The following SNX33 variants were observed in gnomAD, a reference collection of about 807,000 sequenced individuals.
SNX33 encodes sorting nexin 33, also known as sorting nexin-33.
SNX33 carries 19 observed loss-of-function variants against 38.8 expected under a neutral mutation model. The observed-to-expected ratio is 0.49, with a 90% confidence interval of 0.34 to 0.72. The LOEUF is 0.72. SNX33 is among the 30% of genes least tolerant of loss of function. The pLI is 0.01. For synonymous variants in SNX33, 246 were observed against 289.7 expected, an observed-to-expected ratio of 0.85 and a Z score of 1.53; for missense variants, 641 against 776.4, an observed-to-expected ratio of 0.83 and a Z score of 2.07.
chr15:75,658,330 G>A lies in SNX33; in HGVS notation c.*1115G>A, dbSNP rs901811255. 6.6e-6 allele frequency: 1 copy of A among 152,604 alleles called. No homozygotes were observed. Among genetic ancestry groups the A allele is most frequent in the African/African-American group, 2.4e-5 (1 of 41,442 alleles). 9.5% of individuals were successfully genotyped at this position (152,604 alleles called of 1,614,324 possible). ...CTGTTGCACAATGGGAAACCTAAGA[G>A]GAAAAAGACAGGGGCCTGCTTGCCC... On this transcript the variant is annotated 3_prime_UTR_variant, in exon 2 of 2. Coordinates refer to ENST00000308527, the MANE Select transcript of SNX33 (RefSeq NM_153271.2). This position sits in a 1 kb window ranked among gnomAD's most constrained non-coding sequence, Gnocchi z 4.1.
Position 75,658,237 on chromosome 15 carries a change from C to T in SNX33, c.*1022C>T, listed in dbSNP as rs561738908. ...TTCACCAGCAATAACTCCCCACACT[C>T]GAAGCAGGTCCAAACCCAGGATCTC... On this transcript the variant is annotated 3_prime_UTR_variant, in exon 2 of 2. Coordinates refer to ENST00000308527, the MANE Select transcript of SNX33 (RefSeq NM_153271.2). The surrounding 1 kb of genome is among the most constrained non-coding windows in gnomAD (Gnocchi z 4.1). 2.6e-5 allele frequency: 4 copies of T among 152,740 alleles called. No homozygotes were observed. Among genetic ancestry groups the T allele is most frequent in the South Asian group, 4.1e-4 (2 of 4,830 alleles). The allele number at this position is 152,740 out of a possible 1,614,324, so 9.5% of individuals were successfully genotyped here.
At chr15:75,651,316 A>C (rs968640646) in intron 1 of SNX33, among the ~76,000 whole-genome samples, 3 of 152,236 alleles carry the variant, frequency 2.0e-5, no homozygotes, top group African/African-American at 7.2e-5. Flanking sequence ...TAGTGTCCAC[A>C]GAAGAGTGGT....
Position 75,657,268 on chromosome 15 carries a change from C to T in SNX33, c.*53C>T, listed in dbSNP as rs1181927072. The stretch of plus-strand genomic sequence containing the variant: ...CCTGGGCCTGGTCACTGCAGTGTAC[C>T]CCACTTTCCCGACCTCCCTATACCA... On this transcript the variant is annotated 3_prime_UTR_variant, in exon 2 of 2. Transcript: ENST00000308527. The surrounding 1 kb of genome is among the most constrained non-coding windows in gnomAD (Gnocchi z 5.5). 11 of 1,602,906 alleles carry T rather than the reference C, an allele frequency of 6.9e-6. No homozygotes were observed. The highest frequency in any genetic ancestry group is 3.3e-5 in the Admixed American group (2 of 59,712).
rs982347357 is a variant in SNX33, at chr15:75,648,307, CCTT to C, written c.-794_-792del. ...GCCCGACAGCCTCGTCGCGCCCCCT[CCTT>C]CCTCCGGGGTTGGGGCTGGCCACTT... On this transcript the variant is annotated 5_prime_UTR_variant, in exon 1 of 2. Transcript: ENST00000308527. This position sits in a 1 kb window ranked among gnomAD's most constrained non-coding sequence, Gnocchi z 4.4. 5.5e-5 allele frequency: 54 copies of C among 985,306 alleles called. No homozygotes were observed. Among genetic ancestry groups the C allele is most frequent in the Middle Eastern group, 1.0e-3 (2 of 1,936 alleles). 61.0% of individuals were successfully genotyped at this position (985,306 alleles called of 1,614,324 possible). A position where few individuals can be genotyped will look rare whatever the true frequency, so the allele number is the denominator to read the frequency against.
chr15:75,653,062 G>C (rs929220266), intron 1 of SNX33, among the ~76,000 whole-genome samples: 2 of 152,314 alleles, frequency 1.3e-5, no homozygotes, highest in South Asian at 4.1e-4. Flanking sequence ...ATGACTTTGG[G>C]AGAGATTTCT....
rs1246670848 is a variant in SNX33 at position 75,657,194 on chromosome 15, G to A, written c.1704G>A (p.Leu568=). The A allele has an allele frequency of 6.2e-7, 1 of 1,613,960 alleles. No individual in the cohort carries two copies. Among genetic ancestry groups the A allele is most frequent in the African/African-American group, 1.3e-5 (1 of 74,908 alleles). The change falls in exon 2 of 2, where the codon CTG becomes CTA. Residue 568 remains leucine (L), a synonymous_variant. Transcript: ENST00000308527. The surrounding 1 kb of genome is among the most constrained non-coding windows in gnomAD (Gnocchi z 5.5). ...TGGGCCAGCAGCTGGAGAAGACCCT[G>A]CGCATGTATGACAACCTCTGACCGC... The part of the protein sequence containing the change: ...QRVGQQLEKT[L]RMYDNL
At chr15:75,653,048 T>C (rs930644327) in intron 1 of SNX33, among the ~76,000 whole-genome samples, 1 of 152,150 alleles carries the variant, frequency 6.6e-6, no homozygotes, top group African/African-American at 2.4e-5. Flanking sequence ...ACTTTGCATC[T>C]GACATGACTT....
Position 75,651,837 on chromosome 15 carries a change from C to A in SNX33, c.1471+1264C>A, listed in dbSNP as rs534429337. Among the ~76,000 whole-genome samples, 93 of 152,298 alleles carry A rather than the reference C, an allele frequency of 6.1e-4. 1 individual carries two copies. Among genetic ancestry groups the A allele is most frequent in the South Asian group, 3.3e-3 (16 of 4,832 alleles). On this transcript the variant is annotated intron_variant, in intron 1 of 1. Coordinates refer to ENST00000308527, the MANE Select transcript of SNX33 (RefSeq NM_153271.2). Reference sequence around the variant, plus strand: ...ACTCTGGGTGGGGCCAGGGGGCAGACCTCTGCACTGAGCCTGGGGAACAGG... The same window carrying A: ...ACTCTGGGTGGGGCCAGGGGGCAGAACTCTGCACTGAGCCTGGGGAACAGG...
chr15:75,655,491 C>T (rs1480308561), intron 1 of SNX33, among the ~76,000 whole-genome samples: 1 of 152,092 alleles, frequency 6.6e-6, no homozygotes, highest in African/African-American at 2.4e-5. Context: ...TGTGAGCAGC[C>T]CTGGAGACTC....
At position 75,657,532 on chromosome 15, in the gene SNX33, A is replaced by T. The variant is rs1031075757; in HGVS notation, c.*317A>T. ...CCCCTAGAGCCTATTTTGCTTGCTC[A>T]CCTGGCCACTGCTGCCTTATCCATT... On this transcript the variant is annotated 3_prime_UTR_variant, in exon 2 of 2. Transcript: ENST00000308527. The surrounding 1 kb of genome is among the most constrained non-coding windows in gnomAD (Gnocchi z 5.5). 4.6e-6 allele frequency: 2 copies of T among 436,336 alleles called. No individual in the cohort carries two copies. The highest frequency in any genetic ancestry group is 8.5e-6 in the Non-Finnish European group (2 of 235,122). 27.0% of individuals were successfully genotyped at this position (436,336 alleles called of 1,614,324 possible).
At position 75,657,189 on chromosome 15, in the gene SNX33, A is replaced by C. The variant is rs1477299966; in HGVS notation, c.1699A>C (p.Thr567Pro). The change falls in exon 2 of 2, where the codon ACC (threonine) becomes CCC (proline). Residue 567 changes from threonine (T) to proline (P), a missense_variant. Physicochemically the swap from Thr to Pro is conservative, Grantham distance 38. Coordinates refer to ENST00000308527, the MANE Select transcript of SNX33 (RefSeq NM_153271.2). This position sits in a 1 kb window ranked among gnomAD's most constrained non-coding sequence, Gnocchi z 5.5. ...YQRVGQQLEK[T>P]LRMYDNL ...GCGGGTGGGCCAGCAGCTGGAGAAGACCCTGCGCATGTATGACAACCTCTG... is the reference window on the plus strand; with the variant it reads ...GCGGGTGGGCCAGCAGCTGGAGAAGCCCCTGCGCATGTATGACAACCTCTG... 1 of 1,613,806 alleles carries C rather than the reference A, an allele frequency of 6.2e-7. No individual in the cohort carries two copies. Among genetic ancestry groups the C allele is most frequent in the African/African-American group, 1.3e-5 (1 of 74,846 alleles).
At chr15:75,655,167 T>G (rs949767043) in intron 1 of SNX33, among the ~76,000 whole-genome samples, 2 of 152,214 alleles carry the variant, frequency 1.3e-5, no homozygotes, top group South Asian at 4.1e-4. Flanking sequence ...GCAGCAGAAG[T>G]GGTGTCCGAC....
In SNX33 at chr15:75,649,542, AC is replaced by A. The variant is rs1250703387; in HGVS notation, c.443del (p.Pro148LeufsTer57). On this transcript the variant is annotated frameshift_variant, in exon 1 of 2. Coordinates refer to ENST00000308527, the MANE Select transcript of SNX33 (RefSeq NM_153271.2). LOFTEE classifies it high-confidence loss of function. This position sits in a 1 kb window ranked among gnomAD's most constrained non-coding sequence, Gnocchi z 6.6. Reference sequence around the variant, plus strand: ...GGGCACCCTCCCCTCAACCTCTCCTACCCTGGTGCCTACCCCAGCCAGCACA... The same window carrying A: ...GGGCACCCTCCCCTCAACCTCTCCTACCTGGTGCCTACCCCAGCCAGCACA... The part of the protein sequence containing the change: ...TNGHPPLNLS[Y>X]PGAYPSQHMA... The A allele has an allele frequency of 1.9e-6, 3 of 1,611,500 alleles. No homozygotes were observed. In the Admixed American group the frequency reaches 5.0e-5, roughly 27 times the overall value.
rs1396143919 is a variant in SNX33 at position 75,656,927 on chromosome 15, C to T, written c.1472-35C>T. The T allele has an allele frequency of 1.9e-6, 3 of 1,596,564 alleles. No homozygotes were observed. The East Asian group carries it at 6.8e-5, about 36-fold the overall frequency. On this transcript the variant is annotated intron_variant, in intron 1 of 1. Coordinates refer to ENST00000308527, the MANE Select transcript of SNX33 (RefSeq NM_153271.2). ...TACAGGGAGCACATGGAGATCAGAG[C>T]CCTCACACGCTGTCCTCTGCTCTGC... is the stretch of plus-strand genomic sequence containing the variant.
intron 1 of SNX33, among the ~76,000 whole-genome samples, chr15:75,654,420 C>T (rs1352074234): frequency 6.6e-6 from 1 of 152,218 alleles, no homozygotes; most frequent in African/African-American, 2.4e-5. Flanking sequence ...CTCAGACCTC[C>T]TGCTCCCTCC....
At position 75,661,433 on chromosome 15, in the gene SNX33, CT is replaced by C. The variant is rs1893721841; in HGVS notation, c.*4219del. ...CTGGGGCAGGAGAAGACGGTGAGCC[CT>C]GGTAGGAAGACCATGGGGAAAAATC... On this transcript the variant is annotated 3_prime_UTR_variant, in exon 2 of 2. Coordinates refer to ENST00000308527, the MANE Select transcript of SNX33 (RefSeq NM_153271.2). The surrounding 1 kb of genome is among the most constrained non-coding windows in gnomAD (Gnocchi z 4.5). 6.6e-6 allele frequency: 1 copy of C among 152,230 alleles called. No homozygotes were observed. The highest frequency in any genetic ancestry group is 2.4e-5 in the African/African-American group (1 of 41,414). 9.4% of individuals were successfully genotyped at this position (152,230 alleles called of 1,614,324 possible). A position where few individuals can be genotyped will look rare whatever the true frequency, so the allele number is the denominator to read the frequency against.
chr15:75,648,307 C>T lies in SNX33; in HGVS notation c.-796C>T. On this transcript the variant is annotated 5_prime_UTR_variant, in exon 1 of 2. Transcript: ENST00000308527. This position sits in a 1 kb window ranked among gnomAD's most constrained non-coding sequence, Gnocchi z 4.4. The stretch of plus-strand genomic sequence containing the variant: ...GCCCGACAGCCTCGTCGCGCCCCCT[C>T]CTTCCTCCGGGGTTGGGGCTGGCCA... 1 of 985,424 alleles carries T rather than the reference C, an allele frequency of 1.0e-6. No homozygotes were observed. The highest frequency in any genetic ancestry group is 1.2e-6 in the Non-Finnish European group (1 of 829,952). 61.0% of individuals were successfully genotyped at this position (985,424 alleles called of 1,614,324 possible).
intron 1 of SNX33, among the ~76,000 whole-genome samples, chr15:75,656,564 G>A (rs558538290): frequency 3.4e-4 from 52 of 152,282 alleles, no homozygotes; most frequent in Non-Finnish European, 8.8e-5. Flanking sequence ...TGTTGTAGCA[G>A]TCCAGTGAGG....
At position 75,660,985 on chromosome 15, in the gene SNX33, G is replaced by A. The variant is rs1193300578; in HGVS notation, c.*3770G>A. 1 of 152,228 alleles carries A rather than the reference G, an allele frequency of 6.6e-6. No homozygotes were observed. The highest frequency in any genetic ancestry group is 1.5e-5 in the Non-Finnish European group (1 of 68,080). The allele number at this position is 152,228 out of a possible 1,614,324, so 9.4% of individuals were successfully genotyped here. A position where few individuals can be genotyped will look rare whatever the true frequency, so the allele number is the denominator to read the frequency against. On this transcript the variant is annotated 3_prime_UTR_variant, in exon 2 of 2. Coordinates refer to ENST00000308527, the MANE Select transcript of SNX33 (RefSeq NM_153271.2). ...CTTATTGAACAGATGGGCGCCTGAG[G>A]CCCAGGGAGCAGTGGTGGCTGGCCT...
Sources: gnomAD v4.1 joint callset for allele counts (sites outside exome capture counted in the v4.1 genomes callset) on GRCh38, gnomAD v4.1.1 for gene constraint, Gnocchi (gnomAD v3.1) non-coding constraint, MANE v1.5 for transcripts, NCBI Gene and HGNC (gene_info 2026-07-23, HGNC 2026-07-21) for gene names.